Variants in FAN1 observed in about 807,000 individuals in gnomAD.
The protein encoded by FAN1 is fanconi-associated nuclease 1.
FAN1 carries 91 observed loss-of-function variants against 104.9 expected under a neutral mutation model. That is an observed-to-expected ratio of 0.87 (90% confidence interval 0.73 to 1.03). The LOEUF is 1.03. Among genes scored for constraint, FAN1 ranks in the 50% least tolerant of loss-of-function variants. The pLI is 0.00. For missense variants in FAN1, 1,263 were observed against 1,239.9 expected, an observed-to-expected ratio of 1.02 and a Z score of -0.28; for synonymous variants, 478 against 457.6, an observed-to-expected ratio of 1.04 and a Z score of -0.57.
At chr15:30,939,661 T>TA in intron 14 of FAN1, 6 of 947,792 alleles carry the variant, frequency 6.3e-6, no homozygotes, top group Non-Finnish European at 7.5e-6. Flanking sequence ...AGAGTTAAAA[T>TA]AAACGTGAAG....
In FAN1 at chr15:30,925,282, T is replaced by C; in HGVS notation, c.2328T>C (p.Asp776=). 3.7e-6 allele frequency: 6 copies of C among 1,613,980 alleles called. No homozygotes were observed. The highest frequency in any genetic ancestry group is 5.1e-6 in the Non-Finnish European group (6 of 1,179,944). The part of the protein sequence containing the change: ...FQQLPEMAVQ[D]VKHVTITGRL... ...AGCTCCCAGAAATGGCTGTGCAAGA[T>C]GTGAAACACGTGAGGAAAGAGCCTG... The change falls in exon 9 of 15, where the codon GAT becomes GAC. Residue 776 remains aspartate, a synonymous_variant. Transcript: ENST00000362065.
intron 13 of FAN1, among the ~76,000 whole-genome samples, chr15:30,936,600 T>C (rs1406857396): frequency 6.6e-6 from 1 of 152,244 alleles, no homozygotes; most frequent in African/African-American, 2.4e-5. Context: ...ATACAGACGC[T>C]TCTCAACTTA....
chr15:30,935,294 T>G (rs2062820768), intron 13 of FAN1, among the ~76,000 whole-genome samples: 1 of 151,444 alleles, frequency 6.6e-6, no homozygotes, highest in Non-Finnish European at 1.5e-5. Context: ...GGCAACAGAG[T>G]GAGACCTTGT....
rs1484883805 is a variant in FAN1 at position 30,927,943 on chromosome 15, AG to A, written c.2489-608del. 5 of 985,668 alleles carry A rather than the reference AG, an allele frequency of 5.1e-6. No homozygotes were observed. The African/African-American group carries it at 8.7e-5, about 17-fold the overall frequency. The allele number at this position is 985,668 out of a possible 1,614,324, so 61.1% of individuals were successfully genotyped here. A position where few individuals can be genotyped will look rare whatever the true frequency, so the allele number is the denominator to read the frequency against. On this transcript the variant is annotated intron_variant, in intron 10 of 14. Coordinates refer to ENST00000362065, the MANE Select transcript of FAN1 (RefSeq NM_014967.5). ...GTCAGTAAAACATTTGTGTGACGTGAGGAGGGGCACTGAAGTGGGTGATCTT... is the reference window on the plus strand; with the variant it reads ...GTCAGTAAAACATTTGTGTGACGTGAGAGGGGCACTGAAGTGGGTGATCTT...
At chr15:30,927,826 T>C in intron 10 of FAN1, 1 of 985,656 alleles carries the variant, frequency 1.0e-6, no homozygotes, top group Non-Finnish European at 1.2e-6. Flanking sequence ...GTCTGTGTGT[T>C]GTGCCAAGGC....
At chr15:30,926,966 C>A (rs781422582) in intron 10 of FAN1, 27 of 985,268 alleles carry the variant, frequency 2.7e-5, no homozygotes, top group Admixed American at 2.5e-4. Flanking sequence ...TGAAGTACTG[C>A]ACCAAAAATG....
intron 3 of FAN1, 22 bp from the exon 4 acceptor site, chr15:30,910,592 C>G (rs1228322771): frequency 5.1e-6 from 7 of 1,361,168 alleles, no homozygotes; most frequent in Non-Finnish European, 7.0e-6. Flanking sequence ...TTTAAAAAAA[C>G]TTTTTTTTTT....
chr15:30,922,126 G>C, intron 7 of FAN1, 109 bp from the exon 8 acceptor site: 2 of 1,376,242 alleles, frequency 1.5e-6, no homozygotes, highest in Non-Finnish European at 2.0e-6. Flanking sequence ...TTGTAGAATG[G>C]AAAGATACGC....
At chr15:30,927,332 A>C in intron 10 of FAN1, 1 of 985,534 alleles carries the variant, frequency 1.0e-6, no homozygotes, top group South Asian at 4.7e-5. Flanking sequence ...CCTGGCTGGG[A>C]AAGAGCATGA....
chr15:30,934,953 T>C (rs890930133), intron 13 of FAN1, among the ~76,000 whole-genome samples: 47 of 152,358 alleles, frequency 3.1e-4, no homozygotes, highest in African/African-American at 1.1e-3. Context: ...TATTTACTCA[T>C]GTACATAGCA....
intron 9 of FAN1, 98 bp from the exon 10 acceptor site, chr15:30,925,689 CTT>C: frequency 7.4e-7 from 1 of 1,345,202 alleles, no homozygotes; most frequent in East Asian, 2.3e-5. Context: ...AAGTGACTGA[CTT>C]TGTGGTAAGG....
chr15:30,930,668 TAAG>T lies in FAN1; in HGVS notation c.2914_2916del (p.Lys972del), dbSNP rs1490369122. 1 of 1,612,704 alleles carries T rather than the reference TAAG, an allele frequency of 6.2e-7. No homozygotes were observed. The highest frequency in any genetic ancestry group is 2.2e-5 in the East Asian group (1 of 44,822). On this transcript the variant is annotated inframe_deletion and splice_region_variant, in exon 13 of 15. Transcript: ENST00000362065. ...TGTGGAACTCCCAGAGCCGTCACTT[TAAG>T]GTCAGTTGAGGCAGAATGGAAAGTC...
chr15:30,938,997 T>A, intron 14 of FAN1: 5 of 985,320 alleles, frequency 5.1e-6, no homozygotes, highest in Non-Finnish European at 6.0e-6. Flanking sequence ...TTCAATACTG[T>A]TGAACAACAA....
intron 14 of FAN1, among the ~76,000 whole-genome samples, chr15:30,937,947 T>C (rs559228996): frequency 6.0e-5 from 9 of 151,018 alleles, no homozygotes; most frequent in Non-Finnish European, 8.9e-5. Context: ...TTTGGGAGGC[T>C]GAGCGAGGCA....
intron 10 of FAN1, chr15:30,926,931 T>A: frequency 1.0e-6 from 1 of 985,438 alleles, no homozygotes; most frequent in East Asian, 1.1e-4. Flanking sequence ...CAGAGCGATC[T>A]CAACCTCTTC....
In FAN1 at chr15:30,942,932, A is replaced by G; in HGVS notation, c.*1370A>G. The G allele has an allele frequency of 1.9e-6, 3 of 1,568,046 alleles. No individual in the cohort carries two copies. The highest frequency in any genetic ancestry group is 2.6e-6 in the Non-Finnish European group (3 of 1,154,172). On this transcript the variant is annotated 3_prime_UTR_variant, in exon 15 of 15. Transcript: ENST00000362065. ...ACTTCACGGAGCCATTCTGTATACA[A>G]GGTGTGCTCTTTCCAATGTAGAAGG...
At chr15:30,917,517 A>G (rs766454002) in intron 5 of FAN1, among the ~76,000 whole-genome samples, 3 of 152,194 alleles carry the variant, frequency 2.0e-5, no homozygotes, top group Non-Finnish European at 4.4e-5. Flanking sequence ...TAATGATATT[A>G]TGTACTTCAT....
In FAN1 at chr15:30,911,731, C is replaced by T. The variant is rs112451378; in HGVS notation, c.1577+916C>T. On this transcript the variant is annotated intron_variant, in intron 4 of 14. Transcript: ENST00000362065. ...TATTTCTTAAGTATTTGATGTTAAC[C>T]TTATATGTAACATTTTATAAGCAAG... 2,921 of 956,634 alleles carry T rather than the reference C, an allele frequency of 3.1e-3. 65 individuals are homozygous for T. The African/African-American group carries it at 0.048, about 16-fold the overall frequency. The allele number at this position is 956,634 out of a possible 1,614,324, so 59.3% of individuals were successfully genotyped here.
At chr15:30,930,480 T>G (rs2062678465) in intron 12 of FAN1, 63 bp from the exon 13 acceptor site, 2 of 1,537,380 alleles carry the variant, frequency 1.3e-6, no homozygotes, top group East Asian at 4.6e-5. Context: ...TCGTGATCCC[T>G]GGAGCCTATT....
Sources: allele counts gnomAD v4.1 joint callset (sites outside exome capture counted in the v4.1 genomes callset), GRCh38; gene constraint gnomAD v4.1.1; transcripts MANE v1.5; gene names NCBI Gene and HGNC (gene_info 2026-07-23, HGNC 2026-07-21).